The following SLC6A11 variants were observed in gnomAD, a reference collection of about 807,000 sequenced individuals.
The protein encoded by SLC6A11 is solute carrier family 6 member 11.
A neutral mutation model predicts 74.8 loss-of-function variants in SLC6A11; 25 were observed. The observed-to-expected ratio is 0.33, with a 90% CI of 0.24 to 0.47. SLC6A11 has a LOEUF of 0.47. Among genes scored for constraint, SLC6A11 ranks in the 20% least tolerant of loss-of-function variants. The pLI is 1.00. For missense variants in SLC6A11, 574 were observed against 837.0 expected, an observed-to-expected ratio of 0.69 and a Z score of 3.88; for synonymous variants, 330 against 330.2, an observed-to-expected ratio of 1.00 and a Z score of 0.01.
chr3:10,855,686 G>T (rs1311495692), intron 5 of SLC6A11, among the ~76,000 whole-genome samples: 1 of 144,916 alleles, frequency 6.9e-6, no homozygotes, highest in African/African-American at 2.4e-5. Flanking sequence ...GTGTGAGTCA[G>T]ACTAGTAAAC....
chr3:10,844,538 T>C (rs1189368538), intron 5 of SLC6A11, among the ~76,000 whole-genome samples, 192 bp downstream of exon 5: 1 of 152,178 alleles, frequency 6.6e-6, no homozygotes, highest in Non-Finnish European at 1.5e-5. Flanking sequence ...CAGTTCAGTT[T>C]TATCTTCTGA....
At chr3:10,917,862 C>T (rs1346379300) in intron 7 of SLC6A11, among the ~76,000 whole-genome samples, 1 of 152,150 alleles carries the variant, frequency 6.6e-6, no homozygotes, top group Admixed American at 6.5e-5. Flanking sequence ...GCCTCTCCCC[C>T]GGAGGCTGCC....
At chr3:10,836,778 T>C (rs1339903293) in intron 4 of SLC6A11, among the ~76,000 whole-genome samples, 3 of 152,192 alleles carry the variant, frequency 2.0e-5, no homozygotes, top group Non-Finnish European at 4.4e-5. Context: ...CATTGGAGGA[T>C]TAGTGTTCTT....
chr3:10,859,561 G>A lies in SLC6A11; in HGVS notation c.756+15215G>A, dbSNP rs150669503. On this transcript the variant is annotated intron_variant, in intron 5 of 13. Transcript: ENST00000254488. ...AGAGATGTGTGCAGTGGAATCGTTA[G>A]CATGTATGTTAGGATTTCTTTTCCT... Among the ~76,000 whole-genome samples the A allele has an allele frequency of 5.3e-5, 8 of 152,296 alleles. No homozygotes were observed. In the East Asian group the frequency reaches 1.5e-3, roughly 29 times the overall value.
chr3:10,888,812 C>T (rs1231940486), intron 6 of SLC6A11, among the ~76,000 whole-genome samples: 1 of 152,180 alleles, frequency 6.6e-6, no homozygotes, highest in East Asian at 1.9e-4. Flanking sequence ...TTAGAATGCC[C>T]ACCTTATGTT....
chr3:10,818,944 T>C (rs1694100093), intron 1 of SLC6A11, among the ~76,000 whole-genome samples: 1 of 152,220 alleles, frequency 6.6e-6, no homozygotes, highest in African/African-American at 2.4e-5. Context: ...GTAGGGGTAC[T>C]TAATTCTTTG....
At chr3:10,890,857 A>G (rs1430016206) in intron 6 of SLC6A11, among the ~76,000 whole-genome samples, 1 of 152,222 alleles carries the variant, frequency 6.6e-6, no homozygotes, top group East Asian at 1.9e-4. Context: ...CTTGAGTGGT[A>G]GTTTAGCTGG....
chr3:10,829,805 A>G (rs1187128312), intron 4 of SLC6A11, among the ~76,000 whole-genome samples: 2 of 152,248 alleles, frequency 1.3e-5, no homozygotes, highest in Non-Finnish European at 2.9e-5. Context: ...GACTTTATCC[A>G]GATCTCTGCA....
intron 6 of SLC6A11, among the ~76,000 whole-genome samples, chr3:10,882,864 G>T (rs1014387815): frequency 2.0e-5 from 3 of 152,098 alleles, no homozygotes; most frequent in Non-Finnish European, 1.5e-5. Flanking sequence ...TAAGAATATC[G>T]GCCGCACAGG....
chr3:10,818,081 T>C (rs1359044574), intron 1 of SLC6A11, among the ~76,000 whole-genome samples: 5 of 150,548 alleles, frequency 3.3e-5, no homozygotes, highest in Non-Finnish European at 7.4e-5. Context: ...TTTTTTTTTT[T>C]TTTTAAAAAA....
chr3:10,934,482 G>A (rs911017936), intron 12 of SLC6A11, among the ~76,000 whole-genome samples: 2 of 152,206 alleles, frequency 1.3e-5, no homozygotes, highest in African/African-American at 4.8e-5. Flanking sequence ...GGGAACAAAG[G>A]CCTGTCCCCA....
chr3:10,839,543 C>G (rs926633903), intron 4 of SLC6A11, among the ~76,000 whole-genome samples: 3 of 152,226 alleles, frequency 2.0e-5, no homozygotes, highest in African/African-American at 7.2e-5. Context: ...CCCTGCTTCT[C>G]CAAGGGCTAC....
rs1322402750 is a variant in SLC6A11 at position 10,940,302 on chromosome 3, G to T, written c.*1900G>T. The T allele has an allele frequency of 6.8e-6, 1 of 147,344 alleles. No homozygotes were observed. Among genetic ancestry groups the T allele is most frequent in the Non-Finnish European group, 1.5e-5 (1 of 66,420 alleles). The allele number at this position is 147,344 out of a possible 1,614,324, so 9.1% of individuals were successfully genotyped here. ...TCCTCGGCTGCTGTCTTCCCAGCAG[G>T]CCCCAGGCAAGGAGGCTTCCCATTG... On this transcript the variant is annotated 3_prime_UTR_variant, in exon 14 of 14. Transcript: ENST00000254488.
At chr3:10,823,689 CA>C (rs1559551954) in intron 4 of SLC6A11, 1 of 306,500 alleles carries the variant, frequency 3.3e-6, no homozygotes, top group African/African-American at 2.1e-5. Context: ...TCATTTTGAG[CA>C]AAAGAGGAGA....
In SLC6A11 at chr3:10,871,551, G is replaced by A. The variant is rs112206272; in HGVS notation, c.757-3410G>A. Among the ~76,000 whole-genome samples, 899 of 152,088 alleles carry A rather than the reference G, an allele frequency of 5.9e-3. 10 individuals are homozygous for A. Among genetic ancestry groups the A allele is most frequent in the African/African-American group, 0.017 (720 of 41,478 alleles). On this transcript the variant is annotated intron_variant, in intron 5 of 13. Coordinates refer to ENST00000254488, the MANE Select transcript of SLC6A11 (RefSeq NM_014229.3). ...CTGATTGGCTTTGGTTGGGGGGGAG[G>A]GGGTGATTTTGAAGGAAATGAATCA...
chr3:10,827,914 T>C (rs1010054307), intron 4 of SLC6A11, among the ~76,000 whole-genome samples: 1 of 152,152 alleles, frequency 6.6e-6, no homozygotes, highest in Admixed American at 6.5e-5. Flanking sequence ...ACGAGAGAAG[T>C]TCAGGCCCTA....
rs557151221 is a variant in SLC6A11, at chr3:10,915,127, A to G, written c.995+2934A>G. Among the ~76,000 whole-genome samples, 24 of 152,168 alleles carry G rather than the reference A, an allele frequency of 1.6e-4. 1 individual carries two copies. The South Asian group carries it at 5.0e-3, about 32-fold the overall frequency. On this transcript the variant is annotated intron_variant, in intron 7 of 13. Transcript: ENST00000254488. This position sits in a 1 kb window ranked among gnomAD's most constrained non-coding sequence, Gnocchi z 4.3. ...CAGATGGAGCGTGGCTTTTCACCTGAGTCTTCCTGGCTCTTGCACCCCATT... is the reference window on the plus strand; with the variant it reads ...CAGATGGAGCGTGGCTTTTCACCTGGGTCTTCCTGGCTCTTGCACCCCATT...
At chr3:10,855,485 C>T (rs888823998) in intron 5 of SLC6A11, among the ~76,000 whole-genome samples, 3 of 152,202 alleles carry the variant, frequency 2.0e-5, no homozygotes, top group Non-Finnish European at 4.4e-5. Flanking sequence ...TGGCTGTCTC[C>T]TCACTCCTGC....
At chr3:10,852,453 G>A (rs943763130) in intron 5 of SLC6A11, among the ~76,000 whole-genome samples, 4 of 152,238 alleles carry the variant, frequency 2.6e-5, no homozygotes, top group Admixed American at 1.3e-4. Flanking sequence ...CACCTTTAGC[G>A]GGAACCCTGG....
Sources: allele counts gnomAD v4.1 joint callset (sites outside exome capture counted in the v4.1 genomes callset), GRCh38; gene constraint gnomAD v4.1.1; non-coding constraint Gnocchi (gnomAD v3.1); transcripts MANE v1.5; gene names NCBI Gene and HGNC (gene_info 2026-07-23, HGNC 2026-07-21).